PSMA6: variants seen among roughly 807,000 people sequenced by gnomAD.
The protein encoded by PSMA6 is proteasome 20S subunit alpha 6.
For synonymous variants in PSMA6, 88 were observed against 97.7 expected (o/e 0.90, Z 0.59); for missense variants, 170 against 294.8 (o/e 0.58, Z 3.10).
intron 1 of PSMA6, among the ~76,000 whole-genome samples, chr14:35,299,568 C>T (rs575268991): frequency 1.9e-4 from 29 of 151,582 alleles, no homozygotes; most frequent in Non-Finnish European, 3.1e-4. Context: ...GTGATCCACC[C>T]GCCTCGGCCT....
chr14:35,308,922 A>G lies in PSMA6; in HGVS notation c.180A>G (p.Leu60=), dbSNP rs374427360. ...IVTQKKVPDK[L]LDSSTVTHLF... is the part of the protein sequence containing the mutation. The stretch of plus-strand genomic sequence containing the variant: ...TTTATTTTGTTTATTAGGACAAATT[A>G]TTGGATTCCAGCACAGTGACTCACT... The change falls in exon 3 of 7, where the codon TTA becomes TTG. Residue 60 remains leucine (L), a synonymous_variant. Coordinates refer to ENST00000261479, the MANE Select transcript of PSMA6 (RefSeq NM_002791.3). The G allele has an allele frequency of 1.9e-6, 3 of 1,603,148 alleles. No individual in the cohort carries two copies. The highest frequency in any genetic ancestry group is 1.7e-4 in the Middle Eastern group (1 of 6,038).
At chr14:35,289,915 CAAA>C (rs750610944), upstream of PSMA6, among the ~76,000 whole-genome samples, 6 of 79,616 alleles carry the variant, frequency 7.5e-5, no homozygotes, top group East Asian at 3.5e-4. Flanking sequence ...TACCGCATTT[CAAA>C]AAAAAAAAAA....
At chr14:35,290,518 T>C (rs2051466248), upstream of PSMA6, among the ~76,000 whole-genome samples, 1 of 152,206 alleles carries the variant, frequency 6.6e-6, no homozygotes, top group Admixed American at 6.5e-5. Context: ...TTTTTTAGAT[T>C]AATAAAATAG....
At position 35,299,054 on chromosome 14, in the gene PSMA6, TCTCA is replaced by T. The variant is rs200467311; in HGVS notation, c.76+6506_76+6509del. ...CAGCTATTTATTTTTTGAGACAGGGTCTCACTCTGTCGCCCAGGCTGGAGTGCAG... is the reference window on the plus strand; with the variant it reads ...CAGCTATTTATTTTTTGAGACAGGGTCTCTGTCGCCCAGGCTGGAGTGCAG... On this transcript the variant is annotated intron_variant, in intron 1 of 6. Coordinates refer to ENST00000261479, the MANE Select transcript of PSMA6 (RefSeq NM_002791.3). Among the ~76,000 whole-genome samples the T allele has an allele frequency of 1.2e-3, 183 of 152,204 alleles. 1 individual carries two copies. In the East Asian group the frequency reaches 0.027, roughly 22 times the overall value.
chr14:35,302,655 A>G (rs1042991160), intron 1 of PSMA6, among the ~76,000 whole-genome samples: 1 of 151,990 alleles, frequency 6.6e-6, no homozygotes, highest in Non-Finnish European at 1.5e-5. Flanking sequence ...CTCCAGTTGT[A>G]CATATCTTAC....
chr14:35,308,815 T>G (rs2051882506), intron 2 of PSMA6, 99 bp from the exon 3 acceptor site: 1 of 811,942 alleles, frequency 1.2e-6, no homozygotes, highest in South Asian at 1.6e-5. Flanking sequence ...TATTGTTTTC[T>G]CCAAGAAGCA....
rs1193079976 is a variant in PSMA6 at position 35,307,978 on chromosome 14, CTG to C, written c.77-14_77-13del. 1.2e-6 allele frequency: 2 copies of C among 1,609,842 alleles called. No individual in the cohort carries two copies. Among genetic ancestry groups the C allele is most frequent in the East Asian group, 4.5e-5 (2 of 44,796 alleles). The stretch of plus-strand genomic sequence containing the variant: ...GTAATTTATTCCAACTTAAAAAAAA[CTG>C]TTCTGTTTTCCAGAATATGCTTTTA... On this transcript the variant is annotated splice_polypyrimidine_tract_variant and intron_variant, in intron 1 of 6. Transcript: ENST00000261479.
chr14:35,289,838 A>G (rs2051458014), upstream of PSMA6, among the ~76,000 whole-genome samples: 1 of 146,576 alleles, frequency 6.8e-6, no homozygotes, highest in Non-Finnish European at 1.5e-5. Context: ...CCAGAGGATC[A>G]CTTGAGCGCA....
At chr14:35,282,661 G>T (rs1016028667) in intron 1 of PSMA6, among the ~76,000 whole-genome samples, 1 of 152,028 alleles carries the variant, frequency 6.6e-6, no homozygotes, top group Non-Finnish European at 1.5e-5. Flanking sequence ...GACCAGCCTG[G>T]GAAGCATGGT....
rs569259086 is a variant in PSMA6 at position 35,298,304 on chromosome 14, A to G, written c.76+5752A>G. Reference sequence around the variant, plus strand: ...TAGGTGTTCAAGACCAGCCTGGCCCACATGGTGAAACCCTATCTGTACTAA... The same window carrying G: ...TAGGTGTTCAAGACCAGCCTGGCCCGCATGGTGAAACCCTATCTGTACTAA... On this transcript the variant is annotated intron_variant, in intron 1 of 6. Coordinates refer to ENST00000261479, the MANE Select transcript of PSMA6 (RefSeq NM_002791.3). Among the ~76,000 whole-genome samples the G allele has an allele frequency of 2.6e-5, 4 of 152,218 alleles. No homozygotes were observed. The South Asian group carries it at 8.3e-4, about 32-fold the overall frequency.
chr14:35,309,901 G>A (rs1269821477), intron 3 of PSMA6, among the ~76,000 whole-genome samples: 3 of 152,092 alleles, frequency 2.0e-5, no homozygotes, highest in Non-Finnish European at 2.9e-5. Context: ...GAACCCGGGA[G>A]GTAGAGGTTG....
upstream of PSMA6, chr14:35,292,257 T>A (rs1027792091): frequency 7.5e-5 from 102 of 1,353,386 alleles, no homozygotes; most frequent in Non-Finnish European, 9.7e-5. Context: ...GCGCATACCT[T>A]CAAAGGCCTC....
chr14:35,306,102 A>G (rs575211541), intron 1 of PSMA6, among the ~76,000 whole-genome samples: 1 of 151,842 alleles, frequency 6.6e-6, no homozygotes, highest in Non-Finnish European at 1.5e-5. Context: ...GGTGGTATAC[A>G]CCTGTGGTCC....
intron 1 of PSMA6, 136 bp downstream of exon 1, chr14:35,292,688 G>GCCT: frequency 6.9e-7 from 1 of 1,448,644 alleles, no homozygotes; most frequent in African/African-American, 1.4e-5. Flanking sequence ...GGCTGAAGCT[G>GCCT]GATTGAGCTC....
intron 1 of PSMA6, among the ~76,000 whole-genome samples, chr14:35,299,673 A>G (rs2051673498): frequency 6.6e-6 from 1 of 152,168 alleles, no homozygotes. Context: ...TATCTGCTCT[A>G]AACCATGATA....
intron 6 of PSMA6, chr14:35,316,963 C>T: frequency 3.4e-6 from 1 of 297,030 alleles, no homozygotes; most frequent in East Asian, 6.2e-5. Context: ...TATTTTCTAT[C>T]TTAGCTGCAA....
upstream of PSMA6, among the ~76,000 whole-genome samples, chr14:35,291,562 G>C (rs1363212465): frequency 6.7e-6 from 1 of 149,960 alleles, no homozygotes; most frequent in African/African-American, 2.4e-5. Flanking sequence ...TGTGGCTCAA[G>C]CCTGTAATCC....
At chr14:35,289,915 C>CAAAAAAA (rs750610944), upstream of PSMA6, among the ~76,000 whole-genome samples, 2 of 79,650 alleles carry the variant, frequency 2.5e-5, no homozygotes, top group African/African-American at 5.0e-5. Flanking sequence ...TACCGCATTT[C>CAAAAAAA]AAAAAAAAAA....
At position 35,312,722 on chromosome 14, in the gene PSMA6, G is replaced by T; in HGVS notation, c.410-159G>T. 7.3e-6 allele frequency: 4 copies of T among 548,734 alleles called. No homozygotes were observed. The South Asian group carries it at 1.3e-4, about 18-fold the overall frequency. 34.0% of individuals were successfully genotyped at this position (548,734 alleles called of 1,614,324 possible). A position where few individuals can be genotyped will look rare whatever the true frequency, so the allele number is the denominator to read the frequency against. ...TTACCTGTTACCTAATTTACCTGTG[G>T]TGATAACCTGTATTTTATCAGTTTT... On this transcript the variant is annotated intron_variant, in intron 4 of 6. Transcript: ENST00000261479.
Sources: gnomAD v4.1 joint callset for allele counts (sites outside exome capture counted in the v4.1 genomes callset) on GRCh38, gnomAD v4.1.1 for gene constraint, MANE v1.5 for transcripts, NCBI Gene and HGNC (gene_info 2026-07-23, HGNC 2026-07-21) for gene names.